ATP13A2: variants seen among roughly 807,000 people sequenced by gnomAD.
ATP13A2 encodes ATPase cation transporting 13A2, also known as polyamine-transporting ATPase 13A2.
Under a neutral mutation model 138.3 loss-of-function variants are expected in ATP13A2, and 83 were observed. The ratio of observed to expected loss-of-function variants is 0.60; its 90% confidence interval spans 0.50 to 0.72. The LOEUF is 0.72. ATP13A2 is among the 30% of genes least tolerant of loss of function. The pLI is 0.00. For missense variants in ATP13A2, 1,402 were observed against 1,606.4 expected (o/e 0.87, Z 2.17); for synonymous variants, 663 against 699.0 (o/e 0.95, Z 0.81).
rs761338717 is a variant in ATP13A2 at position 17,000,462 on chromosome 1, C to A, written c.778G>T (p.Ala260Ser). Reference sequence around the variant, plus strand: ...GAGGAAATGAGGAAGATGCACAGGGCGTACCAGTAGTAGTGGTCAGCCAGC... The same window carrying A: ...GAGGAAATGAGGAAGATGCACAGGGAGTACCAGTAGTAGTGGTCAGCCAGC... ...LWLADHYYWY[A>S]LCIFLISSIS... Residue 260 changes from alanine to serine, a missense_variant, in exon 9 of 29, where the codon GCC becomes TCC. Physicochemically the swap from Ala to Ser is moderately conservative, Grantham distance 99. Coordinates refer to ENST00000326735, the MANE Select transcript of ATP13A2 (RefSeq NM_022089.4). The A allele has an allele frequency of 3.1e-6, 5 of 1,614,052 alleles. No homozygotes were observed. The highest frequency in any genetic ancestry group is 4.2e-6 in the Non-Finnish European group (5 of 1,179,964).
chr1:16,991,949 C>T, intron 19 of ATP13A2, 60 bp downstream of exon 19: 1 of 1,609,664 alleles, frequency 6.2e-7, no homozygotes, highest in Non-Finnish European at 8.5e-7. Context: ...TGGGCTCTGC[C>T]TGCGTGAGAG....
At position 16,991,766 on chromosome 1, in the gene ATP13A2, C is replaced by T. The variant is rs937559615; in HGVS notation, c.2219G>A (p.Arg740Gln). The T allele has an allele frequency of 1.9e-6, 3 of 1,614,046 alleles. No homozygotes were observed. Among genetic ancestry groups the T allele is most frequent in the South Asian group, 1.1e-5 (1 of 91,086 alleles). ...PQTTPVIQAL[R>Q]RTRIRAVMVT... ...CATGACGGCGCGGATGCGGGTCCTT[C>T]GCAGAGCCTGGATAACTGGCGTTGT... Residue 740 changes from arginine (R) to glutamine (Q), a missense_variant, in exon 20 of 29, where the codon CGA becomes CAA. Transcript: ENST00000326735.
At position 17,004,236 on chromosome 1, in the gene ATP13A2, C is replaced by T; in HGVS notation, c.557+96G>A. ...GTTTCAGACAGCAAAAGCATCAGAG[C>T]TGAGAGGGGAGCCCAGGCCATGCCA... On this transcript the variant is annotated intron_variant, in intron 6 of 28. Coordinates refer to ENST00000326735, the MANE Select transcript of ATP13A2 (RefSeq NM_022089.4). This position sits in a 1 kb window ranked among gnomAD's most constrained non-coding sequence, Gnocchi z 4.1. 1 of 1,302,402 alleles carries T rather than the reference C, an allele frequency of 7.7e-7. No individual in the cohort carries two copies. The highest frequency in any genetic ancestry group is 1.3e-5 in the South Asian group (1 of 79,092). The allele number at this position is 1,302,402 out of a possible 1,614,324, so 80.7% of individuals were successfully genotyped here. A position where few individuals can be genotyped will look rare whatever the true frequency, so the allele number is the denominator to read the frequency against.
intron 15 of ATP13A2, among the ~76,000 whole-genome samples, chr1:16,994,400 T>A (rs1416214242): frequency 6.6e-6 from 1 of 151,258 alleles, no homozygotes; most frequent in Non-Finnish European, 1.5e-5. Context: ...GCCCACCTAA[T>A]TTTTGTATTT....
Position 16,996,411 on chromosome 1 carries a change from C to T in ATP13A2, c.1281G>A (p.Lys427=), listed in dbSNP as rs1051869605. The change falls in exon 13 of 29, where the codon AAG becomes AAA. Residue 427 remains lysine (K), a synonymous_variant. Transcript: ENST00000326735. The part of the protein sequence containing the change: ...INFKFYKHSM[K]FVAALSVLAL... ...CCAGGACAGAGAGGGCAGCCACAAACTTCATGCTGTGTTTATAGAACTTGA... is the reference window on the plus strand; with the variant it reads ...CCAGGACAGAGAGGGCAGCCACAAATTTCATGCTGTGTTTATAGAACTTGA... The T allele has an allele frequency of 3.1e-6, 5 of 1,614,168 alleles. No individual in the cohort carries two copies. Among genetic ancestry groups the T allele is most frequent in the Non-Finnish European group, 1.7e-6 (2 of 1,180,022 alleles).
intron 19 of ATP13A2, 45 bp downstream of exon 19, chr1:16,991,964 C>T (rs756062667): frequency 5.0e-6 from 8 of 1,608,932 alleles, no homozygotes; most frequent in Middle Eastern, 1.7e-4. Context: ...TGAGAGCCTC[C>T]CTCTGCCTAG....
intron 6 of ATP13A2, among the ~76,000 whole-genome samples, chr1:17,003,953 C>T (rs576371201): frequency 2.0e-5 from 3 of 152,246 alleles, no homozygotes; most frequent in Admixed American, 1.3e-4. Context: ...TGAGCCACCG[C>T]ACCCAGCCTG....
At chr1:17,008,454 C>T (rs981910984) in intron 1 of ATP13A2, among the ~76,000 whole-genome samples, 5 of 152,190 alleles carry the variant, frequency 3.3e-5, no homozygotes, top group Non-Finnish European at 7.3e-5. Context: ...CCGAAGCATC[C>T]AGCACACAGG....
At position 16,986,291 on chromosome 1, in the gene ATP13A2, C is replaced by T. The variant is rs544885605; in HGVS notation, c.3473G>A (p.Arg1158His). 270 of 1,601,918 alleles carry T rather than the reference C, an allele frequency of 1.7e-4. No homozygotes were observed. The highest frequency in any genetic ancestry group is 5.2e-4 in the Admixed American group (30 of 57,906). ...CAGCTCTCGTTCCAGCTGCTTGAAG[C>T]GCTTCTTGGAGGCCCGCTTGGGCCG... ...RLRPKRASKK[R>H]FKQLERELAE... is the part of the protein sequence containing the mutation. The change falls in exon 29 of 29, where the codon CGC (arginine) becomes CAC (histidine). Residue 1158 changes from arginine to histidine, a missense_variant. Arg to His is a conservative substitution (Grantham distance 29, BLOSUM62 0). Transcript: ENST00000326735. This position sits in a 1 kb window ranked among gnomAD's most constrained non-coding sequence, Gnocchi z 6.9.
At chr1:17,006,356 T>G (rs1182230614) in intron 1 of ATP13A2, among the ~76,000 whole-genome samples, 1 of 148,728 alleles carries the variant, frequency 6.7e-6, no homozygotes, top group Non-Finnish European at 1.5e-5. Flanking sequence ...GTTCAAGCGA[T>G]TCTCCTGCCT....
At position 16,992,531 on chromosome 1, in the gene ATP13A2, C is replaced by T; in HGVS notation, c.1800G>A (p.Leu600=). Residue 600 remains leucine (L), a synonymous_variant, in exon 17 of 29, where the codon TTG becomes TTA. Transcript: ENST00000326735. ...CCCAAAGTGGGGGTCTCATCACTGC[C>T]AAGACCTGGGTCCCAAATGCTGAGT... is the stretch of plus-strand genomic sequence containing the variant. The part of the protein sequence containing the change: ...AADSAFGTQV[L]AVMRPPLWEP... 2 of 1,614,206 alleles carry T rather than the reference C, an allele frequency of 1.2e-6. No individual in the cohort carries two copies. Among genetic ancestry groups the T allele is most frequent in the Non-Finnish European group, 1.7e-6 (2 of 1,180,024 alleles).
At chr1:16,992,434 G>C (rs2076968004) in intron 17 of ATP13A2, 32 bp from the exon 18 acceptor site, 1 of 1,613,396 alleles carries the variant, frequency 6.2e-7, no homozygotes, top group South Asian at 1.1e-5. Context: ...TGAGGTGCTG[G>C]CTGGGGAGCC....
Position 17,011,669 on chromosome 1 carries a change from C to A in ATP13A2, c.10+60G>T. On this transcript the variant is annotated intron_variant, in intron 1 of 28. Transcript: ENST00000326735. The surrounding 1 kb of genome is among the most constrained non-coding windows in gnomAD (Gnocchi z 7.3). ...CCTCCCCTCTCCCTCCAAGGGGTGA[C>A]GACAACTGGCGGGCCGGGGACCGCG... The A allele has an allele frequency of 6.8e-7, 1 of 1,473,912 alleles. No homozygotes were observed. Among genetic ancestry groups the A allele is most frequent in the South Asian group, 1.3e-5 (1 of 77,630 alleles). 91.3% of individuals were successfully genotyped at this position (1,473,912 alleles called of 1,614,324 possible).
chr1:17,005,648 C>A, intron 2 of ATP13A2, 36 bp downstream of exon 2: 1 of 1,613,112 alleles, frequency 6.2e-7, no homozygotes. Context: ...GCATTCACCC[C>A]CTGCAGCTTT....
intron 12 of ATP13A2, 150 bp downstream of exon 12, chr1:16,996,870 A>G (rs2077145202): frequency 5.1e-6 from 5 of 988,148 alleles, no homozygotes; most frequent in Non-Finnish European, 7.6e-6. Context: ...CAGACCCCAG[A>G]TGGGGGGCAA....
intron 12 of ATP13A2, chr1:16,996,785 TA>T: frequency 1.5e-6 from 1 of 649,732 alleles, no homozygotes; most frequent in Non-Finnish European, 2.7e-6. Flanking sequence ...TCCAGCACTG[TA>T]ACCCCGGCGG....
At position 17,004,916 on chromosome 1, in the gene ATP13A2, G is replaced by A; in HGVS notation, c.348-95C>T. ...CCATCTTCCCTCCCTAGGATGGGAG[G>A]CGCCAGAGTCAGCCTTTATGGGGGG... On this transcript the variant is annotated intron_variant, in intron 4 of 28. Coordinates refer to ENST00000326735, the MANE Select transcript of ATP13A2 (RefSeq NM_022089.4). This position sits in a 1 kb window ranked among gnomAD's most constrained non-coding sequence, Gnocchi z 4.1. The A allele has an allele frequency of 6.2e-7, 1 of 1,612,396 alleles. No homozygotes were observed. Among genetic ancestry groups the A allele is most frequent in the African/African-American group, 1.3e-5 (1 of 75,016 alleles).
At chr1:16,988,655 G>A (rs985726287) in intron 23 of ATP13A2, among the ~76,000 whole-genome samples, 181 bp from the exon 24 acceptor site, 10 of 151,958 alleles carry the variant, frequency 6.6e-5, no homozygotes, top group African/African-American at 9.7e-5. Context: ...TTTTTGAGAC[G>A]GAGTTTCACT....
In ATP13A2 at chr1:16,988,410, C is replaced by T. The variant is rs1266952803; in HGVS notation, c.2674G>A (p.Gly892Ser). The change falls in exon 24 of 29, where the codon GGC becomes AGC. Residue 892 changes from glycine to serine, a missense_variant. By Grantham distance (56) the Gly-to-Ser change is moderately conservative. Transcript: ENST00000326735. ...DCGALKAADV[G>S]ISLSQAEASV... ...GCTTCTGCCTGGGACAGCGAGATGCCGACATCAGCCGCCTTCAGGGCCCCA... is the reference window on the plus strand; with the variant it reads ...GCTTCTGCCTGGGACAGCGAGATGCTGACATCAGCCGCCTTCAGGGCCCCA... 2.5e-6 allele frequency: 4 copies of T among 1,614,024 alleles called. No individual in the cohort carries two copies. The highest frequency in any genetic ancestry group is 3.4e-6 in the Non-Finnish European group (4 of 1,180,038).
Sources: gnomAD v4.1 joint callset for allele counts (sites outside exome capture counted in the v4.1 genomes callset) on GRCh38, gnomAD v4.1.1 for gene constraint, Gnocchi (gnomAD v3.1) non-coding constraint, MANE v1.5 for transcripts, NCBI Gene and HGNC (gene_info 2026-07-23, HGNC 2026-07-21) for gene names.